The following MVD variants were observed in gnomAD, a reference collection of about 807,000 sequenced individuals.
The protein encoded by MVD is mevalonate diphosphate decarboxylase, also known as diphosphomevalonate decarboxylase.
MVD carries 52 observed loss-of-function variants against 42.4 expected under a neutral mutation model. That is an observed-to-expected ratio of 1.23 (90% CI 0.98 to 1.55). The LOEUF is 1.55. Ranked by LOEUF, MVD falls within the 40% of genes most tolerant of loss-of-function variation. MVD has a pLI of 0.00. For missense variants in MVD, 663 were observed against 572.1 expected (o/e 1.16, Z -1.62); for synonymous variants, 287 against 243.2 (o/e 1.18, Z -1.68).
chr16:88,661,487 G>C (rs1442780152), intron 1 of MVD, among the ~76,000 whole-genome samples: 1 of 151,964 alleles, frequency 6.6e-6, no homozygotes, highest in Non-Finnish European at 1.5e-5. Context: ...GCCTCCCCAA[G>C]TGCTGGGATT....
chr16:88,658,536 C>A, intron 2 of MVD, 114 bp downstream of exon 2: 1 of 1,031,190 alleles, frequency 9.7e-7, no homozygotes, highest in Non-Finnish European at 1.5e-6. Flanking sequence ...GCTCAAGAGA[C>A]TCTCCCCAAG....
chr16:88,657,781 G>A (rs1280025767), intron 3 of MVD, 134 bp downstream of exon 3: 22 of 1,229,368 alleles, frequency 1.8e-5, no homozygotes, highest in African/African-American at 4.5e-5. Context: ...TGGAGCTGGC[G>A]GCCCAGCGGG....
In MVD at chr16:88,652,480, G is replaced by T. The variant is rs373988455; in HGVS notation, c.*45C>A. On this transcript the variant is annotated 3_prime_UTR_variant, in exon 10 of 10. Transcript: ENST00000301012. ...ACCACATCCGCTCCCTAGCTCCGGC[G>T]AGGCCACCCCTTCTCCAAGCGGCAT... The T allele has an allele frequency of 2.0e-5, 31 of 1,545,774 alleles. No individual in the cohort carries two copies. Among genetic ancestry groups the T allele is most frequent in the Non-Finnish European group, 2.7e-5 (31 of 1,142,838 alleles).
rs150552007 is a variant in MVD, at chr16:88,662,360, G to A, written c.70+651C>T. Among the ~76,000 whole-genome samples, 216 of 152,302 alleles carry A rather than the reference G, an allele frequency of 1.4e-3. 4 individuals are homozygous for A. Among genetic ancestry groups the A allele is most frequent in the Middle Eastern group, 0.01 (3 of 294 alleles). ...GCCAAACTCAAAAGATACTGGGTGG[G>A]CCACATAACTGCGATTCCAGTTTCA... On this transcript the variant is annotated intron_variant, in intron 1 of 9. Transcript: ENST00000301012.
chr16:88,658,532 G>A (rs1908085001), intron 2 of MVD, 118 bp downstream of exon 2: 3 of 999,098 alleles, frequency 3.0e-6, no homozygotes, highest in Admixed American at 2.0e-5. Context: ...CTGGGCTCAA[G>A]AGACTCTCCC....
At chr16:88,657,276 C>T in intron 4 of MVD, 160 bp downstream of exon 4, 1 of 1,021,146 alleles carries the variant, frequency 9.8e-7, no homozygotes. Context: ...CAGATGTGCT[C>T]TGGGAAGAGA....
At chr16:88,657,865 G>C in intron 3 of MVD, 50 bp downstream of exon 3, 1 of 1,564,638 alleles carries the variant, frequency 6.4e-7, no homozygotes, top group Non-Finnish European at 8.8e-7. Flanking sequence ...CTGGATGCTC[G>C]GACCCTGCTG....
intron 6 of MVD, 34 bp from the exon 7 acceptor site, chr16:88,655,451 T>C (rs1226756280): frequency 6.5e-7 from 1 of 1,542,746 alleles, no homozygotes; most frequent in South Asian, 1.2e-5. Flanking sequence ...ATGGAGCCGC[T>C]GGGGGTCTCG....
chr16:88,661,022 A>AAT (rs1298635218), intron 1 of MVD: 1 of 150,768 alleles, frequency 6.6e-6, no homozygotes, highest in Non-Finnish European at 1.5e-5. Flanking sequence ...AAAAAAAAAA[A>AAT]AAAAAAAAAT....
At position 88,653,409 on chromosome 16, in the gene MVD, C is replaced by A; in HGVS notation, c.1014-1G>T. 6 of 1,606,298 alleles carry A rather than the reference C, an allele frequency of 3.7e-6. No individual in the cohort carries two copies. Among genetic ancestry groups the A allele is most frequent in the Non-Finnish European group, 5.1e-6 (6 of 1,177,836 alleles). On this transcript the variant is annotated splice_acceptor_variant, in intron 8 of 9. Transcript: ENST00000301012. LOFTEE classifies it high-confidence loss of function. ...CCTCACCTGCAGCCCCTTCAGAAAC[C>A]TGGAAAAGCAGGGCAGGGGCACGGT... is the stretch of plus-strand genomic sequence containing the variant.
At chr16:88,656,675 C>A (rs539736064) in intron 4 of MVD, 1 of 348,968 alleles carries the variant, frequency 2.9e-6, no homozygotes, top group African/African-American at 2.1e-5. Flanking sequence ...GGGACCGATG[C>A]CAGGACAGAG....
chr16:88,652,051 G>C lies in MVD; in HGVS notation c.*474C>G, dbSNP rs962252084. 2 of 202,294 alleles carry C rather than the reference G, an allele frequency of 9.9e-6. No homozygotes were observed. The highest frequency in any genetic ancestry group is 2.1e-5 in the Non-Finnish European group (2 of 96,030). The allele number at this position is 202,294 out of a possible 1,614,324, so 12.5% of individuals were successfully genotyped here. A position where few individuals can be genotyped will look rare whatever the true frequency, so the allele number is the denominator to read the frequency against. ...GGCAGCCACCCTCCGAGACACCTGG[G>C]CCGGGGGCAGGGTCTCAGCAGAAGC... On this transcript the variant is annotated 3_prime_UTR_variant, in exon 10 of 10. Coordinates refer to ENST00000301012, the MANE Select transcript of MVD (RefSeq NM_002461.3).
intron 3 of MVD, 158 bp from the exon 4 acceptor site, chr16:88,657,740 C>T (rs1908024558): frequency 1.5e-6 from 2 of 1,291,844 alleles, no homozygotes; most frequent in South Asian, 1.4e-5. Context: ...CTGACCCAAG[C>T]CCAGCTGGTC....
rs544260643 is a variant in MVD, at chr16:88,657,567, C to T, written c.272G>A (p.Arg91Gln). 1.6e-5 allele frequency: 25 copies of T among 1,612,452 alleles called. No homozygotes were observed. Among genetic ancestry groups the T allele is most frequent in the East Asian group, 4.5e-5 (2 of 44,886 alleles). ...CCCATCCCGTGAGTTCCTCCGCTTC[C>T]GGGCCAGGCAGCGGACTGCAGAGAC... is the stretch of plus-strand genomic sequence containing the variant. Reference protein sequence around the residue: ...ACLREIRCLARKRRNSRDGDP... With the variant: ...ACLREIRCLAQKRRNSRDGDP... The change falls in exon 4 of 10, where the codon CGG becomes CAG. Residue 91 changes from arginine to glutamine, a missense_variant. Arg to Gln is a conservative substitution (Grantham distance 43). Transcript: ENST00000301012.
intron 1 of MVD, among the ~76,000 whole-genome samples, chr16:88,659,989 A>C: frequency 6.6e-6 from 1 of 151,560 alleles, no homozygotes; most frequent in African/African-American, 2.4e-5. Context: ...AAAAAAAAAA[A>C]AAGAAAAGAA....
At position 88,653,199 on chromosome 16, in the gene MVD, G is replaced by T. The variant is rs144420836; in HGVS notation, c.1122+101C>A. On this transcript the variant is annotated intron_variant, in intron 9 of 9. Coordinates refer to ENST00000301012, the MANE Select transcript of MVD (RefSeq NM_002461.3). ...TGGCTTCCTGCCTGAGACACGGTAG[G>T]GACAGGGAGCCGCGCTTAGCCTTTA... 855 of 878,520 alleles carry T rather than the reference G, an allele frequency of 9.7e-4. 6 individuals carry two copies. In the African/African-American group the frequency reaches 0.011, roughly 11 times the overall value. The allele number at this position is 878,520 out of a possible 1,614,324, so 54.4% of individuals were successfully genotyped here.
chr16:88,658,560 G>A (rs1175074932), intron 2 of MVD, 90 bp downstream of exon 2: 2 of 1,304,290 alleles, frequency 1.5e-6, no homozygotes, highest in African/African-American at 2.9e-5. Flanking sequence ...TGGGATTGCA[G>A]ATGTGAGCCA....
At chr16:88,662,724 T>A in intron 1 of MVD, 35 of 1,442,510 alleles carry the variant, frequency 2.4e-5, no homozygotes, top group Non-Finnish European at 3.2e-5. Flanking sequence ...TTCATGGGAA[T>A]CGATGATTGA....
intron 3 of MVD, 46 bp from the exon 4 acceptor site, chr16:88,657,628 G>A (rs778020637): frequency 3.1e-6 from 5 of 1,594,136 alleles, no homozygotes; most frequent in African/African-American, 2.7e-5. Flanking sequence ...TCAGCACCCT[G>A]CCCGCCCTGC....
Sources: allele counts gnomAD v4.1 joint callset (sites outside exome capture counted in the v4.1 genomes callset), GRCh38; gene constraint gnomAD v4.1.1; transcripts MANE v1.5; gene names NCBI Gene and HGNC (gene_info 2026-07-23, HGNC 2026-07-21).